The following SESN1 variants were observed in gnomAD, a reference collection of about 807,000 sequenced individuals.
SESN1 encodes sestrin-1.
A neutral mutation model predicts 59.3 loss-of-function variants in SESN1; 30 were observed. The observed-to-expected ratio is 0.51, with a 90% CI of 0.38 to 0.69. SESN1 has a LOEUF of 0.69. Ranked by LOEUF, SESN1 falls within the 30% of genes least tolerant of loss-of-function variation. The probability of loss-of-function intolerance (pLI) is 0.00; values close to 1 mark genes in which losing one functional copy is unlikely to be tolerated. For synonymous variants in SESN1, 197 were observed against 219.9 expected, an observed-to-expected ratio of 0.90 and a Z score of 0.92; for missense variants, 566 against 673.0, an observed-to-expected ratio of 0.84 and a Z score of 1.76.
intron 9 of SESN1, among the ~76,000 whole-genome samples, chr6:108,987,837 C>A (rs1195330255): frequency 2.1e-5 from 3 of 140,704 alleles, no homozygotes; most frequent in African/African-American, 8.1e-5. Context: ...CACACTTTCA[C>A]TCTTTCCCAG....
In SESN1 at chr6:108,988,670, T is replaced by C. The variant is rs748198330; in HGVS notation, c.1442A>G (p.Tyr481Cys). 19 of 1,609,000 alleles carry C rather than the reference T, an allele frequency of 1.2e-5. No individual in the cohort carries two copies. Among genetic ancestry groups the C allele is most frequent in the South Asian group, 2.2e-5 (2 of 90,236 alleles). The change falls in exon 9 of 10, where the codon TAT becomes TGT. Residue 481 changes from tyrosine to cysteine, a missense_variant. Physicochemically the swap from Tyr to Cys is radical, Grantham distance 194 (BLOSUM62 -2). Coordinates refer to ENST00000436639, the MANE Select transcript of SESN1 (RefSeq NM_014454.3). ...ATCCAATAGCTGGTTAATTTCACCA[T>C]AGTCATAATCATCATATCTGTTGAA... is the stretch of plus-strand genomic sequence containing the variant. ...MFGIRYDDYDYGEINQLLDRS... is the reference protein window; with the variant it reads ...MFGIRYDDYDCGEINQLLDRS...
At chr6:108,997,266 C>A (rs1028955184) in intron 5 of SESN1, among the ~76,000 whole-genome samples, 1 of 152,144 alleles carries the variant, frequency 6.6e-6, no homozygotes, top group Non-Finnish European at 1.5e-5. Context: ...TAGAAACAAT[C>A]AAGTACTTTT....
chr6:109,093,081 G>A (rs955937505), intron 1 of SESN1, among the ~76,000 whole-genome samples: 3 of 152,138 alleles, frequency 2.0e-5, no homozygotes, highest in Admixed American at 2.0e-4. Flanking sequence ...AAGACACCTT[G>A]TAATAAAACA....
rs1781417941 is a variant in SESN1 at position 109,094,164 on chromosome 6, A to C, written c.-91T>G. Reference sequence around the variant, plus strand: ...TTTTTAAAATGAAAAATGTAAAAATAAAATCAGAGAAATCAAATCGTCATG... The same window carrying C: ...TTTTTAAAATGAAAAATGTAAAAATCAAATCAGAGAAATCAAATCGTCATG... On this transcript the variant is annotated 5_prime_UTR_variant, in exon 1 of 10. Coordinates refer to ENST00000436639, the MANE Select transcript of SESN1 (RefSeq NM_014454.3). The C allele has an allele frequency of 1.6e-5, 22 of 1,347,550 alleles. No individual in the cohort carries two copies. The highest frequency in any genetic ancestry group is 2.2e-5 in the Non-Finnish European group (22 of 988,642). The allele number at this position is 1,347,550 out of a possible 1,614,324, so 83.5% of individuals were successfully genotyped here.
At chr6:109,065,541 C>A (rs1780809896) in intron 1 of SESN1, among the ~76,000 whole-genome samples, 1 of 152,144 alleles carries the variant, frequency 6.6e-6, no homozygotes, top group Middle Eastern at 3.4e-3. Context: ...AAGCAGAGTC[C>A]TTTTTCTTTC....
At position 109,012,244 on chromosome 6, in the gene SESN1, CT is replaced by C. The variant is rs1050059466; in HGVS notation, c.280-9902del. 8.4e-3 allele frequency among the ~76,000 whole-genome samples: 1,160 copies of C among 138,850 alleles called. 6 individuals carry two copies. The highest frequency in any genetic ancestry group is 0.021 in the African/African-American group (819 of 38,168). 91.1% of individuals were successfully genotyped at this position (138,850 alleles called of 152,430 possible). The stretch of plus-strand genomic sequence containing the variant: ...ATTTAAACATTTAATTTTGATATTT[CT>C]TTTTTTTTTTTTTTTGAGACGGAGT... On this transcript the variant is annotated intron_variant, in intron 1 of 9. Transcript: ENST00000436639.
intron 4 of SESN1, chr6:108,999,860 T>C (rs1279570389): frequency 2.0e-5 from 3 of 152,162 alleles, no homozygotes; most frequent in African/African-American, 7.2e-5. Flanking sequence ...TTATCCGTAA[T>C]TGCCCCAAAC....
intron 4 of SESN1, 48 bp from the exon 5 acceptor site, chr6:108,998,803 A>G (rs1367828133): frequency 6.5e-6 from 10 of 1,550,216 alleles, no homozygotes; most frequent in African/African-American, 1.4e-5. Flanking sequence ...GGGGTGTGGT[A>G]AAAGTATACA....
intron 1 of SESN1, among the ~76,000 whole-genome samples, chr6:109,019,354 T>A (rs567229162): frequency 6.6e-6 from 1 of 152,304 alleles, no homozygotes; most frequent in African/African-American, 2.4e-5. Context: ...TAATTTCAAC[T>A]GGTTCCAGCA....
At chr6:109,006,209 AAG>A (rs1779727357) in intron 1 of SESN1, among the ~76,000 whole-genome samples, 1 of 152,232 alleles carries the variant, frequency 6.6e-6, no homozygotes, top group Non-Finnish European at 1.5e-5. Context: ...TGAAAAAGTC[AAG>A]AGTCTTAGAT....
intron 1 of SESN1, among the ~76,000 whole-genome samples, chr6:109,044,311 C>CAAAAAAAAAAAAAAAAAAA (rs71015570): frequency 7.0e-5 from 2 of 28,458 alleles, no homozygotes; most frequent in African/African-American, 2.0e-4. Flanking sequence ...GAACTTGCCT[C>CAAAAAAAAAAAAAAAAAAA]AAAAAAAAAA....
At chr6:109,077,165 G>C (rs1460961023) in intron 1 of SESN1, among the ~76,000 whole-genome samples, 4 of 152,224 alleles carry the variant, frequency 2.6e-5, no homozygotes, top group Admixed American at 2.6e-4. Flanking sequence ...GTTGTTGACT[G>C]AAATGTCATT....
intron 1 of SESN1, among the ~76,000 whole-genome samples, chr6:109,090,939 T>G (rs1781307692): frequency 6.6e-6 from 1 of 152,152 alleles, no homozygotes; most frequent in African/African-American, 2.4e-5. Flanking sequence ...CCAGCTAATT[T>G]TTTTTTCTTG....
chr6:109,029,375 C>T (rs1780146918), intron 1 of SESN1, among the ~76,000 whole-genome samples: 1 of 152,178 alleles, frequency 6.6e-6, no homozygotes, highest in Non-Finnish European at 1.5e-5. Context: ...CTATTCAGAG[C>T]AATTCTTAAG....
chr6:109,021,950 T>C (rs1240091407), intron 1 of SESN1, among the ~76,000 whole-genome samples: 4 of 152,188 alleles, frequency 2.6e-5, no homozygotes. Context: ...TCTAAAGGAT[T>C]GGTTAAATTT....
chr6:109,075,793 A>G (rs1781022050), intron 1 of SESN1, among the ~76,000 whole-genome samples: 1 of 152,148 alleles, frequency 6.6e-6, no homozygotes, highest in Admixed American at 6.5e-5. Context: ...GTTTTAAACT[A>G]CCAAATTTGT....
chr6:109,089,293 C>T lies in SESN1; in HGVS notation c.279+4502G>A, dbSNP rs112542742. Among the ~76,000 whole-genome samples, 515 of 152,304 alleles carry T rather than the reference C, an allele frequency of 3.4e-3. 1 individual carries two copies. The highest frequency in any genetic ancestry group is 0.01 in the African/African-American group (416 of 41,566). On this transcript the variant is annotated intron_variant, in intron 1 of 9. Coordinates refer to ENST00000436639, the MANE Select transcript of SESN1 (RefSeq NM_014454.3). ...TTAATATTTGCTTTCTCATGTGAGG[C>T]TGATGCTAAAATGGTAGGCAGTGAA...
intron 1 of SESN1, among the ~76,000 whole-genome samples, chr6:109,017,415 A>C (rs778001150): frequency 3.9e-5 from 6 of 152,210 alleles, no homozygotes; most frequent in Non-Finnish European, 8.8e-5. Context: ...CCTCCCAAGC[A>C]GCTGGGACTA....
At chr6:109,068,788 C>CG (rs1229561899) in intron 1 of SESN1, among the ~76,000 whole-genome samples, 1 of 151,196 alleles carries the variant, frequency 6.6e-6, no homozygotes, top group Non-Finnish European at 1.5e-5. Context: ...TGGTACGATC[C>CG]TGGCTCACTG....
Sources: gnomAD v4.1 joint callset for allele counts (sites outside exome capture counted in the v4.1 genomes callset) on GRCh38, gnomAD v4.1.1 for gene constraint, MANE v1.5 for transcripts, NCBI Gene and HGNC (gene_info 2026-07-23, HGNC 2026-07-21) for gene names.